ANKRD30B: variants seen among roughly 807,000 people sequenced by gnomAD.
ANKRD30B encodes the protein ankyrin repeat domain 30B.
A neutral mutation model predicts 202.2 loss-of-function variants in ANKRD30B; 144 were observed. That is an observed-to-expected ratio of 0.71 (90% CI 0.62 to 0.82). The LOEUF is 0.82. ANKRD30B is among the 40% of genes least tolerant of loss of function. ANKRD30B has a pLI of 0.00. For synonymous variants in ANKRD30B, 508 were observed against 561.3 expected (o/e 0.91, Z 1.34); for missense variants, 1,487 against 1,669.1 (o/e 0.89, Z 1.90).
rs141558361 is a variant in ANKRD30B, at chr18:14,753,513, C to T, written c.510+501C>T. On this transcript the variant is annotated intron_variant, in intron 3 of 43. Coordinates refer to ENST00000690538, the MANE Select transcript of ANKRD30B (RefSeq NM_001367607.2). ...TAGTTACATCACTTACTGAACTTAC[C>T]TCTTTTGCCTCTGTAAATATTTCAG... is the stretch of plus-strand genomic sequence containing the variant. Among the ~76,000 whole-genome samples, 315 of 152,228 alleles carry T rather than the reference C, an allele frequency of 2.1e-3. 2 individuals are homozygous for T. The highest frequency in any genetic ancestry group is 6.8e-3 in the African/African-American group (282 of 41,544).
At chr18:14,856,419 G>A (rs575667924), downstream of ANKRD30B, among the ~76,000 whole-genome samples, 23 of 143,318 alleles carry the variant, frequency 1.6e-4, 1 homozygote, top group Admixed American at 1.1e-3. Flanking sequence ...CTTCCCAGAG[G>A]GGGTGGCCGG....
intron 7 of ANKRD30B, among the ~76,000 whole-genome samples, chr18:14,768,464 G>A (rs1916598031): frequency 6.6e-6 from 1 of 152,146 alleles, no homozygotes; most frequent in Admixed American, 6.5e-5. Flanking sequence ...AGATGATTCA[G>A]AAACCCACAT....
chr18:14,788,209 A>C (rs979573878), intron 15 of ANKRD30B, among the ~76,000 whole-genome samples: 1 of 152,148 alleles, frequency 6.6e-6, no homozygotes, highest in Admixed American at 6.6e-5. Flanking sequence ...TTGAAATGTC[A>C]TTTATTTTTG....
intron 42 of ANKRD30B, 79 bp downstream of exon 42, chr18:14,852,499 T>C (rs568274272): frequency 3.5e-5 from 42 of 1,206,440 alleles, no homozygotes; most frequent in Non-Finnish European, 4.6e-5. Context: ...TCTAGTTGAA[T>C]ATATATATAT....
the ANKRD30B span, chr18:14,905,926 G>A: frequency 6.6e-6 from 1 of 152,068 alleles, no homozygotes; most frequent in Non-Finnish European, 1.5e-5. Context: ...GGTATAATGA[G>A]GCATGTCTGA....
chr18:14,807,795 G>C (rs181358876), intron 24 of ANKRD30B, among the ~76,000 whole-genome samples: 2 of 150,930 alleles, frequency 1.3e-5, no homozygotes, highest in Admixed American at 1.3e-4. Context: ...GGTTTCCAAG[G>C]TTCTGGAGAT....
the ANKRD30B span, among the ~76,000 whole-genome samples, chr18:14,866,746 C>T: frequency 2.6e-5 from 4 of 151,754 alleles, no homozygotes; most frequent in Admixed American, 2.0e-4. Flanking sequence ...TAGTGGGTGG[C>T]GCTATCGGGC....
intron 3 of ANKRD30B, among the ~76,000 whole-genome samples, chr18:14,754,511 C>A (rs574034533): frequency 1.3e-5 from 2 of 152,186 alleles, no homozygotes; most frequent in Admixed American, 1.3e-4. Flanking sequence ...TTAAGAAACA[C>A]TGCTCTAGAG....
At chr18:14,861,699 A>G in the ANKRD30B span, among the ~76,000 whole-genome samples, 3 of 151,764 alleles carry the variant, frequency 2.0e-5, no homozygotes, top group Non-Finnish European at 4.4e-5. Context: ...CCCCACCGAC[A>G]GCAGTAAGCA....
intron 15 of ANKRD30B, among the ~76,000 whole-genome samples, chr18:14,788,553 C>T (rs1241711679): frequency 6.6e-6 from 1 of 151,906 alleles, no homozygotes; most frequent in Non-Finnish European, 1.5e-5. Flanking sequence ...GCTCCCCCCA[C>T]CCCACAACAG....
the ANKRD30B span, among the ~76,000 whole-genome samples, chr18:14,893,447 C>T: frequency 1.2e-4 from 18 of 152,188 alleles, no homozygotes; most frequent in East Asian, 3.3e-3. Flanking sequence ...CCCATCTCTA[C>T]TAAAAATACA....
chr18:14,919,169 A>C, the ANKRD30B span, among the ~76,000 whole-genome samples: 1 of 152,224 alleles, frequency 6.6e-6, no homozygotes, highest in Admixed American at 6.5e-5. Context: ...CTAGGTTATA[A>C]GGGATTAGGG....
chr18:14,761,674 T>A (rs1915283523), intron 6 of ANKRD30B, among the ~76,000 whole-genome samples: 1 of 152,256 alleles, frequency 6.6e-6, no homozygotes, highest in African/African-American at 2.4e-5. Context: ...CCCACAAGCC[T>A]GATGAACTCA....
chr18:14,791,226 T>C (rs1187191979), intron 15 of ANKRD30B, among the ~76,000 whole-genome samples, 175 bp from the exon 16 acceptor site: 2 of 152,186 alleles, frequency 1.3e-5, no homozygotes, highest in African/African-American at 4.8e-5. Context: ...TTCTGTGGGA[T>C]TGATGGTGAT....
intron 32 of ANKRD30B, among the ~76,000 whole-genome samples, chr18:14,824,110 CT>C (rs71176078): frequency 0.41 from 60,986 of 150,444 alleles, 13,646 homozygotes; most frequent in East Asian, 0.59. Context: ...TTGGAACTTC[CT>C]TTTTTTTTAC....
the ANKRD30B span, among the ~76,000 whole-genome samples, chr18:14,904,724 T>C: frequency 0.98 from 148,621 of 152,318 alleles, 72,620 homozygotes; most frequent in Middle Eastern, 1. Flanking sequence ...AGGGAACAGT[T>C]TTAGAAGGTC....
the ANKRD30B span, among the ~76,000 whole-genome samples, chr18:14,916,059 G>C: frequency 7.2e-5 from 11 of 152,290 alleles, no homozygotes; most frequent in Non-Finnish European, 1.5e-4. Context: ...GAGATTCTTG[G>C]AATCAATGCC....
At chr18:14,882,056 T>A in the ANKRD30B span, among the ~76,000 whole-genome samples, 4 of 152,216 alleles carry the variant, frequency 2.6e-5, no homozygotes, top group Non-Finnish European at 4.4e-5. Context: ...AATAACCAAC[T>A]TTTTGCTTTA....
chr18:14,757,801 C>T lies in ANKRD30B; in HGVS notation c.618-14C>T, dbSNP rs1425534822. 5 of 1,609,260 alleles carry T rather than the reference C, an allele frequency of 3.1e-6. No individual in the cohort carries two copies. Among genetic ancestry groups the T allele is most frequent in the Non-Finnish European group, 4.2e-6 (5 of 1,178,444 alleles). Reference sequence around the variant, plus strand: ...TGATTCTGCTCATAATAAGTTATCTCTTTGTTATTTTAGCACAGCCCTCAT... The same window carrying T: ...TGATTCTGCTCATAATAAGTTATCTTTTTGTTATTTTAGCACAGCCCTCAT... On this transcript the variant is annotated splice_polypyrimidine_tract_variant and intron_variant, in intron 4 of 43. Transcript: ENST00000690538.
Sources: allele counts gnomAD v4.1 joint callset (sites outside exome capture counted in the v4.1 genomes callset), GRCh38; gene constraint gnomAD v4.1.1; transcripts MANE v1.5; gene names NCBI Gene and HGNC (gene_info 2026-07-23, HGNC 2026-07-21).